The following LRBA variants were observed in gnomAD, a reference collection of about 807,000 sequenced individuals.
LRBA encodes LPS responsive beige-like anchor protein, also known as lipopolysaccharide-responsive and beige-like anchor protein.
Under a neutral mutation model 330.0 loss-of-function variants are expected in LRBA, and 176 were observed. The observed-to-expected ratio is 0.53, with a 90% CI of 0.47 to 0.60. The LOEUF is 0.60. LRBA is among the 20% of genes least tolerant of loss of function. The pLI is 0.00. For missense variants in LRBA, 3,259 were observed against 3,444.8 expected, an observed-to-expected ratio of 0.95 and a Z score of 1.35; for synonymous variants, 1,230 against 1,193.0, an observed-to-expected ratio of 1.03 and a Z score of -0.64.
chr4:150,426,459 C>T (rs901479053), intron 46 of LRBA, among the ~76,000 whole-genome samples: 7 of 151,966 alleles, frequency 4.6e-5, no homozygotes, highest in Non-Finnish European at 8.8e-5. Context: ...GTCTACTCAA[C>T]TTACTGTCAC....
intron 36 of LRBA, chr4:150,720,970 G>A: frequency 4.2e-6 from 2 of 481,838 alleles, no homozygotes; most frequent in Non-Finnish European, 8.3e-6. Flanking sequence ...ATTAAGTCAA[G>A]CAAGGCAGTC....
At chr4:150,805,359 A>T (rs1317776288) in intron 33 of LRBA, among the ~76,000 whole-genome samples, 1 of 130,576 alleles carries the variant, frequency 7.7e-6, no homozygotes, top group African/African-American at 2.8e-5. Context: ...AGGAAAGAAA[A>T]GGAAAGGAAA....
intron 46 of LRBA, chr4:150,423,767 A>G: frequency 5.9e-6 from 1 of 168,754 alleles, no homozygotes; most frequent in Non-Finnish European, 1.2e-5. Context: ...CCCTTAGGGG[A>G]CGCCCCTGTA....
chr4:150,773,591 T>C (rs1309392976), intron 34 of LRBA, among the ~76,000 whole-genome samples: 1 of 152,228 alleles, frequency 6.6e-6, no homozygotes, highest in Non-Finnish European at 1.5e-5. Flanking sequence ...GTCAAATCCT[T>C]GATGGAGGAA....
chr4:150,410,351 T>C (rs1209055908), intron 47 of LRBA, among the ~76,000 whole-genome samples: 1 of 152,160 alleles, frequency 6.6e-6, no homozygotes, highest in Non-Finnish European at 1.5e-5. Context: ...TCAACCTTGT[T>C]TTTTCCTGTC....
At chr4:150,402,125 C>T (rs1017796454) in intron 47 of LRBA, among the ~76,000 whole-genome samples, 5 of 120,930 alleles carry the variant, frequency 4.1e-5, no homozygotes, top group African/African-American at 1.7e-4. Context: ...GCCATCTCTA[C>T]TAAAAAAAAA....
chr4:150,291,105 C>T (rs953054630), intron 53 of LRBA, among the ~76,000 whole-genome samples: 1 of 113,188 alleles, frequency 8.8e-6, no homozygotes, highest in African/African-American at 3.4e-5. Context: ...ATCCCTCCCC[C>T]CTCCCCCCAC....
chr4:150,914,167 G>T, intron 9 of LRBA, 28 bp downstream of exon 9: 1 of 1,570,312 alleles, frequency 6.4e-7, no homozygotes, highest in Non-Finnish European at 8.7e-7. Flanking sequence ...ACTAACATTG[G>T]TTAAGCACAA....
intron 36 of LRBA, among the ~76,000 whole-genome samples, chr4:150,717,644 AG>A (rs1386885475): frequency 6.8e-6 from 1 of 147,458 alleles, no homozygotes; most frequent in Non-Finnish European, 1.5e-5. Context: ...TGGGTGACAT[AG>A]TGAGACTCTG....
chr4:150,317,144 T>G (rs1361703122), intron 50 of LRBA, among the ~76,000 whole-genome samples: 1 of 152,140 alleles, frequency 6.6e-6, no homozygotes, highest in Non-Finnish European at 1.5e-5. Flanking sequence ...TTATCAGATC[T>G]TAGCTTCTGC....
intron 35 of LRBA, among the ~76,000 whole-genome samples, chr4:150,752,429 C>T (rs899574353): frequency 6.6e-6 from 1 of 151,956 alleles, no homozygotes; most frequent in Non-Finnish European, 1.5e-5. Flanking sequence ...ATACACATGC[C>T]TGGAACCTCA....
At chr4:150,561,214 A>G (rs1566867) in intron 40 of LRBA, among the ~76,000 whole-genome samples, 1 of 151,822 alleles carries the variant, frequency 6.6e-6, no homozygotes, top group Non-Finnish European at 1.5e-5. Context: ...GTTATTCTAA[A>G]ATCCATGAAG....
Position 150,512,327 on chromosome 4 carries a change from G to A in LRBA, c.6331-21292C>T, listed in dbSNP as rs570042516. Among the ~76,000 whole-genome samples, 7 of 152,262 alleles carry A rather than the reference G, an allele frequency of 4.6e-5. No homozygotes were observed. The South Asian group carries it at 1.5e-3, about 32-fold the overall frequency. ...TAAGGAACTGGAAACTTATGATTTA[G>A]ATCATTTAAAAGGAACTTATTATAA... On this transcript the variant is annotated intron_variant, in intron 40 of 56. Transcript: ENST00000651943.
intron 41 of LRBA, among the ~76,000 whole-genome samples, chr4:150,490,340 A>C (rs1224011206): frequency 6.6e-6 from 1 of 151,822 alleles, no homozygotes; most frequent in Non-Finnish European, 1.5e-5. Context: ...CCCATACCAA[A>C]TGATGCTTTT....
intron 41 of LRBA, among the ~76,000 whole-genome samples, chr4:150,489,473 T>A (rs1372495122): frequency 1.9e-3 from 88 of 45,180 alleles, no homozygotes; most frequent in Non-Finnish European, 4.2e-3. Context: ...TAAAATATAT[T>A]ATATATAAGA....
At chr4:150,813,601 T>C (rs1224677636) in intron 31 of LRBA, among the ~76,000 whole-genome samples, 2 of 152,156 alleles carry the variant, frequency 1.3e-5, no homozygotes, top group Admixed American at 1.3e-4. Flanking sequence ...TTGGACCTCA[T>C]ATAAAGCTGG....
At chr4:150,330,912 A>G (rs749495128) in intron 48 of LRBA, among the ~76,000 whole-genome samples, 8 of 152,168 alleles carry the variant, frequency 5.3e-5, no homozygotes, top group East Asian at 1.9e-4. Flanking sequence ...GACAAAACCA[A>G]GCTTGAGAGA....
intron 42 of LRBA, among the ~76,000 whole-genome samples, chr4:150,472,521 G>A (rs755013477): frequency 7.2e-5 from 11 of 152,056 alleles, no homozygotes; most frequent in African/African-American, 2.2e-4. Context: ...TTCAAAAGTT[G>A]TGCAATTATC....
At chr4:150,529,629 T>C (rs1240870089) in intron 40 of LRBA, among the ~76,000 whole-genome samples, 1 of 151,814 alleles carries the variant, frequency 6.6e-6, no homozygotes, top group African/African-American at 2.4e-5. Flanking sequence ...GGCAGGAGAA[T>C]TGCTTGAACC....
Sources: gnomAD v4.1 joint callset for allele counts (sites outside exome capture counted in the v4.1 genomes callset) on GRCh38, gnomAD v4.1.1 for gene constraint, MANE v1.5 for transcripts, NCBI Gene and HGNC (gene_info 2026-07-23, HGNC 2026-07-21) for gene names.